RPTOR: variants seen among roughly 807,000 people sequenced by gnomAD.
The protein encoded by RPTOR is regulatory-associated protein of mTOR.
A neutral mutation model predicts 169.9 loss-of-function variants in RPTOR; 21 were observed. The observed-to-expected ratio is 0.12, with a 90% CI of 0.09 to 0.18. The LOEUF is 0.18. Ranked by LOEUF, RPTOR falls within the 10% of genes least tolerant of loss-of-function variation. The pLI is 1.00. For synonymous variants in RPTOR, 732 were observed against 753.2 expected (o/e 0.97, Z 0.46); for missense variants, 1,133 against 1,855.9 (o/e 0.61, Z 7.16).
At position 80,893,876 on chromosome 17, in the gene RPTOR, C is replaced by A; in HGVS notation, c.2401+11C>A. The A allele has an allele frequency of 6.6e-7, 1 of 1,512,178 alleles. No homozygotes were observed. The highest frequency in any genetic ancestry group is 1.3e-5 in the South Asian group (1 of 76,218). The allele number at this position is 1,512,178 out of a possible 1,614,324, so 93.7% of individuals were successfully genotyped here. On this transcript the variant is annotated intron_variant, in intron 20 of 33. Coordinates refer to ENST00000306801, the MANE Select transcript of RPTOR (RefSeq NM_020761.3). ...TCAACTCCCTCATCGGTGAGTCCGC[C>A]TGCCCCTTTCTGCTTCCGAGGGGCC...
At chr17:80,923,736 C>G (rs781033862) in intron 23 of RPTOR, 63 bp downstream of exon 23, 2 of 1,470,140 alleles carry the variant, frequency 1.4e-6, no homozygotes, top group South Asian at 1.4e-5. Flanking sequence ...GATGGGGGCT[C>G]ATGGCCTCAG....
intron 5 of RPTOR, among the ~76,000 whole-genome samples, chr17:80,739,148 C>T (rs561523614): frequency 4.5e-4 from 68 of 152,374 alleles, no homozygotes; most frequent in African/African-American, 1.6e-3. Context: ...ACACCTCTGC[C>T]GCCACCACGG....
chr17:80,638,814 G>C (rs1023650763), intron 2 of RPTOR, among the ~76,000 whole-genome samples: 1 of 152,144 alleles, frequency 6.6e-6, no homozygotes, highest in Non-Finnish European at 1.5e-5. Flanking sequence ...TCTAGCTCTT[G>C]GTTTTTGTAT....
chr17:80,914,623 T>C (rs1432099881), intron 21 of RPTOR, among the ~76,000 whole-genome samples: 2 of 152,252 alleles, frequency 1.3e-5, no homozygotes, highest in Non-Finnish European at 2.9e-5. Flanking sequence ...ACCCAGGTGC[T>C]GTTGCAACCA....
intron 13 of RPTOR, among the ~76,000 whole-genome samples, chr17:80,865,311 C>G (rs559420021): frequency 1.3e-5 from 2 of 152,160 alleles, no homozygotes; most frequent in Non-Finnish European, 2.9e-5. Context: ...TAATCCTGCC[C>G]GTCACTGCAG....
chr17:80,783,127 G>A (rs1279565979), intron 6 of RPTOR, among the ~76,000 whole-genome samples: 1 of 152,176 alleles, frequency 6.6e-6, no homozygotes, highest in Non-Finnish European at 1.5e-5. Context: ...TCATCTCAAG[G>A]ACAGTGGAGA....
intron 3 of RPTOR, among the ~76,000 whole-genome samples, chr17:80,650,628 C>G (rs976233589): frequency 3.3e-5 from 5 of 152,242 alleles, no homozygotes; most frequent in Non-Finnish European, 4.4e-5. Context: ...TTTGTACATG[C>G]AAATGAGAGT....
chr17:80,822,935 A>T, intron 8 of RPTOR, 144 bp from the exon 9 acceptor site: 3 of 817,606 alleles, frequency 3.7e-6, no homozygotes, highest in Non-Finnish European at 5.8e-6. Flanking sequence ...GTGTGTGTTT[A>T]AGCGTGTGTG....
intron 25 of RPTOR, among the ~76,000 whole-genome samples, chr17:80,942,558 G>A (rs1475491040): frequency 2.0e-5 from 3 of 152,132 alleles, no homozygotes; most frequent in Non-Finnish European, 4.4e-5. Flanking sequence ...AGTGCCGGGA[G>A]TCACTGAGGA....
At chr17:80,925,708 G>A (rs1185825203) in intron 24 of RPTOR, among the ~76,000 whole-genome samples, 2 of 152,122 alleles carry the variant, frequency 1.3e-5, no homozygotes, top group Admixed American at 6.5e-5. Flanking sequence ...AGTGTGACAG[G>A]TGTCACTTTG....
At chr17:80,891,880 G>A in intron 18 of RPTOR, 43 bp downstream of exon 18, 3 of 1,428,206 alleles carry the variant, frequency 2.1e-6, no homozygotes, top group Non-Finnish European at 3.0e-6. Context: ...ACCTCGCCTG[G>A]CGGTTCTAGT....
At chr17:80,644,250 C>G (rs999560708) in intron 3 of RPTOR, among the ~76,000 whole-genome samples, 3 of 150,444 alleles carry the variant, frequency 2.0e-5, no homozygotes, top group African/African-American at 7.3e-5. Context: ...ATATGCTTTG[C>G]CTTTGATTCA....
intron 6 of RPTOR, among the ~76,000 whole-genome samples, chr17:80,766,409 A>G (rs1467475514): frequency 6.6e-6 from 1 of 152,170 alleles, no homozygotes; most frequent in Admixed American, 6.5e-5. Flanking sequence ...GAGTGCAGTG[A>G]CACAGTCATA....
At chr17:80,917,257 C>T (rs1219657778) in intron 21 of RPTOR, among the ~76,000 whole-genome samples, 5 of 151,814 alleles carry the variant, frequency 3.3e-5, no homozygotes, top group Admixed American at 6.6e-5. Context: ...GGATTACAGG[C>T]ACGCGCTACC....
chr17:80,553,057 AC>A (rs1298255872), intron 1 of RPTOR, among the ~76,000 whole-genome samples: 2 of 152,234 alleles, frequency 1.3e-5, no homozygotes, highest in Non-Finnish European at 2.9e-5. Context: ...CTCTGTTGAT[AC>A]CTGCACTGAC....
intron 9 of RPTOR, among the ~76,000 whole-genome samples, chr17:80,835,455 G>A (rs765755998): frequency 6.6e-6 from 1 of 152,104 alleles, no homozygotes; most frequent in East Asian, 1.9e-4. Flanking sequence ...ATCATCACTC[G>A]GTTTCCACAA....
chr17:80,962,893 G>T, intron 32 of RPTOR, 35 bp from the exon 33 acceptor site: 1 of 1,612,270 alleles, frequency 6.2e-7, no homozygotes, highest in Non-Finnish European at 8.5e-7. Flanking sequence ...TCAAAGAAGA[G>T]GGCAGTGATG....
At chr17:80,773,070 G>T (rs1280181572) in intron 6 of RPTOR, among the ~76,000 whole-genome samples, 19 of 152,238 alleles carry the variant, frequency 1.2e-4, no homozygotes, top group Admixed American at 1.2e-3. Flanking sequence ...CAGGTGGCAT[G>T]CGCTGGCACT....
chr17:80,824,551 A>C (rs2067417735), intron 9 of RPTOR, among the ~76,000 whole-genome samples: 1 of 152,132 alleles, frequency 6.6e-6, no homozygotes, highest in Admixed American at 6.5e-5. Flanking sequence ...TCCTGTCTCT[A>C]TTTCCTCTAA....
Sources: allele counts gnomAD v4.1 joint callset (sites outside exome capture counted in the v4.1 genomes callset), GRCh38; gene constraint gnomAD v4.1.1; transcripts MANE v1.5; gene names NCBI Gene and HGNC (gene_info 2026-07-23, HGNC 2026-07-21).